Variants in HECTD4 observed in about 807,000 individuals in gnomAD.
The protein encoded by HECTD4 is HECT domain E3 ubiquitin protein ligase 4.
In HECTD4, 114 loss-of-function variants were observed where a neutral mutation model predicts 471.5. The ratio of observed to expected loss-of-function variants is 0.24; its 90% CI spans 0.21 to 0.28. The LOEUF (loss-of-function observed/expected upper bound fraction) is 0.28. Ranked by LOEUF, HECTD4 falls within the 10% of genes least tolerant of loss-of-function variation. HECTD4 has a pLI of 1.00. For missense variants in HECTD4, 3,866 were observed against 5,651.5 expected (o/e 0.68, Z 10.13); for synonymous variants, 2,012 against 2,256.0 (o/e 0.89, Z 3.07).
At chr12:112,197,061 G>C (rs886606606) in intron 55 of HECTD4, among the ~76,000 whole-genome samples, 3 of 152,120 alleles carry the variant, frequency 2.0e-5, no homozygotes, top group Admixed American at 2.0e-4. Flanking sequence ...CTCCCAAAGT[G>C]CTGGGATTAT....
intron 1 of HECTD4, among the ~76,000 whole-genome samples, chr12:112,379,946 C>T (rs2036858623): frequency 6.6e-6 from 1 of 151,626 alleles, no homozygotes; most frequent in African/African-American, 2.4e-5. Context: ...AAAAATCTAG[C>T]AGGCCAGAGA....
Position 112,378,242 on chromosome 12 carries a change from G to A in HECTD4, c.177+3710C>T, listed in dbSNP as rs553718620. Among the ~76,000 whole-genome samples the A allele has an allele frequency of 5.3e-5, 8 of 151,512 alleles. No individual in the cohort carries two copies. In the South Asian group the frequency reaches 6.3e-4, roughly 12 times the overall value. On this transcript the variant is annotated intron_variant, in intron 1 of 75. Transcript: ENST00000682272. ...AAGACTCTTTTTTTCTTTTTTTGAC[G>A]GAGTCTCGCTATGTTGCCCAGGCTG... is the stretch of plus-strand genomic sequence containing the variant.
At chr12:112,377,315 T>C (rs2036801092) in intron 1 of HECTD4, among the ~76,000 whole-genome samples, 1 of 152,064 alleles carries the variant, frequency 6.6e-6, no homozygotes, top group African/African-American at 2.4e-5. Context: ...CTCTTTCCAA[T>C]GCTCTCCATC....
rs11066204 is a variant in HECTD4, at chr12:112,233,969, A to G, written c.5916-884T>C. Among the ~76,000 whole-genome samples, 938 of 152,344 alleles carry G rather than the reference A, an allele frequency of 6.2e-3. 11 individuals are homozygous for G. The highest frequency in any genetic ancestry group is 0.021 in the African/African-American group (884 of 41,566). On this transcript the variant is annotated intron_variant, in intron 37 of 75. Transcript: ENST00000682272. ...TCTTTCTTGATTTTACTTGTCTGAC[A>G]GATGAAAAATGATATATTACTATTG...
chr12:112,215,228 G>GC (rs1243063172), intron 48 of HECTD4, among the ~76,000 whole-genome samples: 1 of 152,054 alleles, frequency 6.6e-6, no homozygotes, highest in African/African-American at 2.4e-5. Flanking sequence ...TTAACAAGCA[G>GC]CCCCCTTAAG....
rs913963391 is a variant in HECTD4, at chr12:112,250,301, T to C, written c.3793A>G (p.Ile1265Val). The change falls in exon 25 of 76, where the codon ATA (isoleucine) becomes GTA (valine). Residue 1265 changes from isoleucine (I) to valine (V), a missense_variant. Physicochemically the swap from Ile to Val is conservative, Grantham distance 29 (BLOSUM62 3). Transcript: ENST00000682272. The stretch of plus-strand genomic sequence containing the variant: ...TAGGTGAATTCTCTGTCTTCCTCTA[T>C]GGTCAGAGGCAGTGGAGAGGGGCTC... ...TPSPSPLPLT[I>V]EEDREFTYPS... 2 of 1,613,798 alleles carry C rather than the reference T, an allele frequency of 1.2e-6. No individual in the cohort carries two copies. Among genetic ancestry groups the C allele is most frequent in the African/African-American group, 1.3e-5 (1 of 74,890 alleles).
chr12:112,283,620 G>T (rs1010910650), intron 7 of HECTD4, among the ~76,000 whole-genome samples: 2 of 152,176 alleles, frequency 1.3e-5, no homozygotes, highest in Non-Finnish European at 2.9e-5. Context: ...AGTCAAATGA[G>T]AGGAAAACAA....
chr12:112,208,096 CCA>C (rs2032648305), intron 51 of HECTD4, 96 bp from the exon 52 acceptor site: 51 of 1,361,502 alleles, frequency 3.7e-5, no homozygotes, highest in Non-Finnish European at 4.8e-5. Context: ...GGTCTTCACC[CCA>C]CTTAAATGCC....
rs558158951 is a variant in HECTD4, at chr12:112,228,572, G to A, written c.6684+75C>T. On this transcript the variant is annotated intron_variant, in intron 42 of 75. Coordinates refer to ENST00000682272, the MANE Select transcript of HECTD4 (RefSeq NM_001388303.1). The surrounding 1 kb of genome is among the most constrained non-coding windows in gnomAD (Gnocchi z 4.9). ...AATCAAGCATTTGTGCTTCTGCACTGAGCATGTGCATAGACTCATTACAGT... is the reference window on the plus strand; with the variant it reads ...AATCAAGCATTTGTGCTTCTGCACTAAGCATGTGCATAGACTCATTACAGT... 85 of 1,295,588 alleles carry A rather than the reference G, an allele frequency of 6.6e-5. No homozygotes were observed. The African/African-American group carries it at 1.1e-3, about 16-fold the overall frequency. The allele number at this position is 1,295,588 out of a possible 1,614,324, so 80.3% of individuals were successfully genotyped here.
chr12:112,227,479 T>C (rs961759089), intron 43 of HECTD4, among the ~76,000 whole-genome samples: 7 of 151,952 alleles, frequency 4.6e-5, no homozygotes, highest in African/African-American at 1.2e-4. Flanking sequence ...AGAAGTTTCA[T>C]TGTCAAAAAG....
chr12:112,171,818 G>GC (rs1389926467), intron 67 of HECTD4, among the ~76,000 whole-genome samples: 1 of 152,250 alleles, frequency 6.6e-6, no homozygotes, highest in Non-Finnish European at 1.5e-5. Context: ...GCTGAGCACA[G>GC]CCCCTGGGAC....
At chr12:112,275,634 A>G (rs1343066875) in intron 9 of HECTD4, among the ~76,000 whole-genome samples, 3 of 152,124 alleles carry the variant, frequency 2.0e-5, no homozygotes, top group African/African-American at 4.8e-5. Flanking sequence ...ATATATATAT[A>G]TATGTATTAA....
chr12:112,243,400 C>A lies in HECTD4; in HGVS notation c.4911G>T (p.Val1637=). The part of the protein sequence containing the change: ...LLTAAVRVGG[V]THLVGPVTMV... Reference sequence around the variant, plus strand: ...TCGTCACTGGACCCACAAGATGCGTCACTCCCCCGACTCGTACGGCAGCTG... The same window carrying A: ...TCGTCACTGGACCCACAAGATGCGTAACTCCCCCGACTCGTACGGCAGCTG... Residue 1637 remains valine (V), a synonymous_variant, in exon 32 of 76, where the codon GTG becomes GTT. Transcript: ENST00000682272. The surrounding 1 kb of genome is among the most constrained non-coding windows in gnomAD (Gnocchi z 6.6). 1 of 1,612,658 alleles carries A rather than the reference C, an allele frequency of 6.2e-7. No homozygotes were observed. Among genetic ancestry groups the A allele is most frequent in the South Asian group, 1.1e-5 (1 of 90,726 alleles).
Position 112,190,815 on chromosome 12 carries a change from G to C in HECTD4, c.9443C>G (p.Ser3148Cys), listed in dbSNP as rs750912925. The C allele has an allele frequency of 6.3e-7, 1 of 1,589,564 alleles. No individual in the cohort carries two copies. Among genetic ancestry groups the C allele is most frequent in the South Asian group, 1.2e-5 (1 of 86,694 alleles). Residue 3148 changes from serine to cysteine, a missense_variant, in exon 60 of 76, where the codon TCC becomes TGC. Physicochemically the swap from Ser to Cys is moderately radical, Grantham distance 112 (BLOSUM62 -1). Transcript: ENST00000682272. ...SEDEPDTIPTSVLLQVVELLG... is the reference protein window; with the variant it reads ...SEDEPDTIPTCVLLQVVELLG... ...CAGCTCCACCACCTGCAGGAGGACG[G>C]ATGTCGGAATGGTGTCAGGCTCATC...
In HECTD4 at chr12:112,243,756, C is replaced by A. The variant is rs779647953; in HGVS notation, c.4655G>T (p.Arg1552Leu). The A allele has an allele frequency of 6.2e-7, 1 of 1,613,096 alleles. No homozygotes were observed. The highest frequency in any genetic ancestry group is 1.1e-5 in the South Asian group (1 of 90,944). ...GCTGCTGCGGTGGCTGGTCACGTGG[C>A]GACGCCTACGGGGAACACAGAACAG... ...LEFTRANQRRRHVTSHRSSSF... is the reference protein window; with the variant it reads ...LEFTRANQRRLHVTSHRSSSF... Residue 1552 changes from arginine (R) to leucine (L), a missense_variant, in exon 31 of 76, where the codon CGC becomes CTC. Arg to Leu is a moderately radical substitution (Grantham distance 102, BLOSUM62 -2). Coordinates refer to ENST00000682272, the MANE Select transcript of HECTD4 (RefSeq NM_001388303.1). This position sits in a 1 kb window ranked among gnomAD's most constrained non-coding sequence, Gnocchi z 6.6.
At chr12:112,221,307 G>A (rs1156785339) in intron 44 of HECTD4, among the ~76,000 whole-genome samples, 2 of 152,110 alleles carry the variant, frequency 1.3e-5, no homozygotes, top group Non-Finnish European at 2.9e-5. Context: ...GGAGGGCAGT[G>A]GTGCAATCAC....
chr12:112,180,024 T>C (rs1258149078), intron 62 of HECTD4, among the ~76,000 whole-genome samples: 2 of 152,240 alleles, frequency 1.3e-5, no homozygotes, highest in Non-Finnish European at 2.9e-5. Flanking sequence ...TGCTCTCACC[T>C]TTCCTAAGGG....
intron 1 of HECTD4, among the ~76,000 whole-genome samples, chr12:112,376,900 G>A (rs2036791201): frequency 6.6e-6 from 1 of 152,106 alleles, no homozygotes; most frequent in Non-Finnish European, 1.5e-5. Context: ...ATCACCTGAG[G>A]TCCGGAGTTC....
intron 48 of HECTD4, among the ~76,000 whole-genome samples, chr12:112,214,976 A>G (rs1009584470): frequency 6.6e-6 from 1 of 152,134 alleles, no homozygotes; most frequent in African/African-American, 2.4e-5. Flanking sequence ...CAGCATGGTG[A>G]AACCCCGTCT....
Sources: allele counts gnomAD v4.1 joint callset (sites outside exome capture counted in the v4.1 genomes callset), GRCh38; gene constraint gnomAD v4.1.1; non-coding constraint Gnocchi (gnomAD v3.1); transcripts MANE v1.5; gene names NCBI Gene and HGNC (gene_info 2026-07-23, HGNC 2026-07-21).